The following FBXL17 variants were observed in gnomAD, a reference collection of about 807,000 sequenced individuals.
The protein encoded by FBXL17 is F-box and leucine rich repeat protein 17.
Under a neutral mutation model 66.2 loss-of-function variants are expected in FBXL17, and 22 were observed. That is an observed-to-expected ratio of 0.33 (90% CI 0.24 to 0.47). The LOEUF (loss-of-function observed/expected upper bound fraction) is 0.47, where lower values mean the gene tolerates loss of function less well. Ranked by LOEUF, FBXL17 falls within the 20% of genes least tolerant of loss-of-function variation. FBXL17 has a pLI of 1.00. For missense variants in FBXL17, 878 were observed against 948.2 expected (o/e 0.93, Z 0.97); for synonymous variants, 474 against 400.5 (o/e 1.18, Z -2.19).
intron 7 of FBXL17, among the ~76,000 whole-genome samples, chr5:108,002,706 T>C (rs1753782824): frequency 6.6e-6 from 1 of 152,116 alleles, no homozygotes; most frequent in East Asian, 1.9e-4. Flanking sequence ...ATAAAAAGGA[T>C]AAAATACTAA....
chr5:108,216,428 G>C (rs1170836075), intron 5 of FBXL17, among the ~76,000 whole-genome samples: 1 of 151,914 alleles, frequency 6.6e-6, no homozygotes, highest in African/African-American at 2.4e-5. Context: ...TATTATTTTT[G>C]ATAATAATGT....
At chr5:107,912,177 T>C (rs922266741) in intron 7 of FBXL17, among the ~76,000 whole-genome samples, 1 of 152,140 alleles carries the variant, frequency 6.6e-6, no homozygotes, top group Admixed American at 6.6e-5. Flanking sequence ...ACTTTCTTTA[T>C]CTGGAGTGCT....
intron 7 of FBXL17, among the ~76,000 whole-genome samples, chr5:107,924,073 T>G (rs887808474): frequency 4.0e-5 from 6 of 150,722 alleles, no homozygotes; most frequent in Admixed American, 1.3e-4. Flanking sequence ...TTTTTTTTTT[T>G]TTTTTTTTTT....
At chr5:108,257,194 C>G (rs936317292) in intron 4 of FBXL17, among the ~76,000 whole-genome samples, 22 of 152,090 alleles carry the variant, frequency 1.4e-4, no homozygotes, top group Admixed American at 1.3e-3. Flanking sequence ...GCACAACAAA[C>G]AAAGACAGAC....
chr5:108,264,830 G>T (rs192979017), intron 4 of FBXL17, among the ~76,000 whole-genome samples: 1 of 150,610 alleles, frequency 6.6e-6, no homozygotes, highest in Non-Finnish European at 1.5e-5. Flanking sequence ...AGAATAAACC[G>T]GTCAATTACT....
chr5:108,065,590 T>C (rs991441109), intron 6 of FBXL17, among the ~76,000 whole-genome samples: 5 of 152,188 alleles, frequency 3.3e-5, no homozygotes, highest in Admixed American at 6.5e-5. Context: ...TGCCTTCTTA[T>C]TCTCAAGGCT....
intron 6 of FBXL17, among the ~76,000 whole-genome samples, chr5:108,098,541 C>T (rs1350458472): frequency 6.6e-6 from 1 of 151,812 alleles, no homozygotes; most frequent in South Asian, 2.1e-4. Flanking sequence ...GTCAGGAGAT[C>T]GAGACCATCC....
chr5:108,277,969 T>C (rs1417152966), intron 4 of FBXL17, among the ~76,000 whole-genome samples: 1 of 150,936 alleles, frequency 6.6e-6, no homozygotes, highest in Non-Finnish European at 1.5e-5. Flanking sequence ...AAATCATGTG[T>C]AGACAATCAC....
intron 7 of FBXL17, among the ~76,000 whole-genome samples, chr5:107,993,010 C>G (rs1753319996): frequency 6.6e-6 from 1 of 152,076 alleles, no homozygotes; most frequent in African/African-American, 2.4e-5. Context: ...ATTCTCCTGC[C>G]TTAGCCTCCC....
chr5:108,332,639 G>A (rs921458791), intron 4 of FBXL17, among the ~76,000 whole-genome samples: 3 of 151,902 alleles, frequency 2.0e-5, no homozygotes, highest in Non-Finnish European at 4.4e-5. Context: ...ACAGAGTCTC[G>A]CTCTGTCAAC....
chr5:108,312,140 C>A (rs557039493), intron 4 of FBXL17, among the ~76,000 whole-genome samples: 2 of 152,010 alleles, frequency 1.3e-5, no homozygotes, highest in African/African-American at 4.8e-5. Context: ...ATACATACCA[C>A]CAGCATCACA....
chr5:107,930,986 A>G (rs1242880462), intron 7 of FBXL17, among the ~76,000 whole-genome samples: 1 of 44,514 alleles, frequency 2.2e-5, no homozygotes, highest in East Asian at 3.4e-4. Flanking sequence ...AAAAGTAAAT[A>G]AAGACATTTT....
At chr5:108,123,163 G>A (rs1477044663) in intron 6 of FBXL17, among the ~76,000 whole-genome samples, 3 of 150,858 alleles carry the variant, frequency 2.0e-5, no homozygotes, top group African/African-American at 7.3e-5. Flanking sequence ...TTTGTCTTTT[G>A]CTTTTTTTAA....
At chr5:108,299,300 G>A in intron 4 of FBXL17, 1 of 984,538 alleles carries the variant, frequency 1.0e-6, no homozygotes, top group Non-Finnish European at 1.2e-6. Context: ...TAAACCTGAG[G>A]TTCTCACCCA....
intron 6 of FBXL17, among the ~76,000 whole-genome samples, chr5:108,064,674 G>A (rs1168216378): frequency 6.6e-6 from 1 of 152,192 alleles, no homozygotes; most frequent in Non-Finnish European, 1.5e-5. Flanking sequence ...AAACATTATT[G>A]TAATGCAAGC....
At chr5:108,215,511 T>C (rs1754560083) in intron 5 of FBXL17, among the ~76,000 whole-genome samples, 2 of 152,214 alleles carry the variant, frequency 1.3e-5, no homozygotes, top group South Asian at 2.1e-4. Context: ...CAGCCAAGTA[T>C]ATCTTCTCTG....
At chr5:108,240,828 A>AC (rs1196065018) in intron 4 of FBXL17, among the ~76,000 whole-genome samples, 2 of 151,938 alleles carry the variant, frequency 1.3e-5, no homozygotes, top group African/African-American at 4.8e-5. Context: ...TGCTTGTGTC[A>AC]CCCCTCCCCC....
At chr5:108,283,503 CA>C (rs1757780880) in intron 4 of FBXL17, among the ~76,000 whole-genome samples, 1 of 151,772 alleles carries the variant, frequency 6.6e-6, no homozygotes, top group African/African-American at 2.4e-5. Context: ...AACTGGACCC[CA>C]ATCTCTCACC....
chr5:108,154,648 C>CATATATATGTGTGTATATATATACACAT (rs202122522), intron 6 of FBXL17, among the ~76,000 whole-genome samples: 51 of 116,192 alleles, frequency 4.4e-4, no homozygotes, highest in South Asian at 1.2e-3. Flanking sequence ...CACACACACA[C>CATATATATGTGTGTATATATATACACAT]ATATATGTAT....
Sources: gnomAD v4.1 joint callset for allele counts (sites outside exome capture counted in the v4.1 genomes callset) on GRCh38, gnomAD v4.1.1 for gene constraint, MANE v1.5 for transcripts, NCBI Gene and HGNC (gene_info 2026-07-23, HGNC 2026-07-21) for gene names.